The following MACROD2 variants were observed in gnomAD, a reference collection of about 807,000 sequenced individuals.
MACROD2 encodes ADP-ribose glycohydrolase MACROD2.
Under a neutral mutation model 70.4 loss-of-function variants are expected in MACROD2, and 36 were observed. That is an observed-to-expected ratio of 0.51 (90% CI 0.39 to 0.68). The LOEUF is 0.68. Ranked by LOEUF, MACROD2 falls within the 30% of genes least tolerant of loss-of-function variation. The pLI, the probability that MACROD2 is intolerant of heterozygous loss-of-function variation, is 0.00. For synonymous variants in MACROD2, 172 were observed against 178.8 expected (o/e 0.96, Z 0.30); for missense variants, 496 against 538.4 (o/e 0.92, Z 0.78).
intron 4 of MACROD2, among the ~76,000 whole-genome samples, chr20:14,561,086 G>C (rs1266658424): frequency 6.6e-6 from 1 of 151,750 alleles, no homozygotes; most frequent in Non-Finnish European, 1.5e-5. Context: ...TTGACACCTA[G>C]ACTCTGGGAG....
At chr20:15,491,277 T>C (rs111846189) in intron 7 of MACROD2, among the ~76,000 whole-genome samples, 4 of 152,128 alleles carry the variant, frequency 2.6e-5, no homozygotes, top group Non-Finnish European at 5.9e-5. Context: ...CCTCCCCAAT[T>C]AATTAGCTAT....
intron 12 of MACROD2, among the ~76,000 whole-genome samples, chr20:15,960,588 G>C (rs6080053): frequency 0.018 from 2,715 of 152,286 alleles, 47 homozygotes; most frequent in Non-Finnish European, 0.026. Context: ...ACAGGGAAGG[G>C]AGGACAGCCC....
intron 8 of MACROD2, among the ~76,000 whole-genome samples, chr20:15,797,368 G>A (rs1334807313): frequency 1.3e-5 from 2 of 152,122 alleles, no homozygotes; most frequent in Non-Finnish European, 2.9e-5. Context: ...GCCCGCCCCA[G>A]CCTCCCAAAG....
chr20:15,650,375 T>G (rs1280864883), intron 8 of MACROD2, among the ~76,000 whole-genome samples: 1 of 152,220 alleles, frequency 6.6e-6, no homozygotes, highest in Admixed American at 6.5e-5. Context: ...ATTATGCTGC[T>G]TTCCAGCAAC....
chr20:15,277,261 C>T (rs1474086395), intron 6 of MACROD2, among the ~76,000 whole-genome samples: 1 of 152,156 alleles, frequency 6.6e-6, no homozygotes, highest in Non-Finnish European at 1.5e-5. Context: ...AGCAAGAAAT[C>T]CTTTCCCCAA....
intron 8 of MACROD2, among the ~76,000 whole-genome samples, chr20:15,678,994 TG>T (rs1345847903): frequency 6.6e-6 from 1 of 152,096 alleles, no homozygotes; most frequent in Non-Finnish European, 1.5e-5. Context: ...CCCAGCACTT[TG>T]GGAGGCTGAG....
At chr20:15,367,032 T>A (rs1361428519) in intron 6 of MACROD2, among the ~76,000 whole-genome samples, 2 of 147,340 alleles carry the variant, frequency 1.4e-5, no homozygotes, top group East Asian at 3.9e-4. Flanking sequence ...AATTACTGAT[T>A]TTTTTTTTTT....
rs756386549 is a variant in MACROD2 at position 15,862,801 on chromosome 20, G to T, written c.702G>T (p.Lys234Asn). Residue 234 changes from lysine (K) to asparagine (N), a missense_variant, in exon 9 of 18, where the codon AAG (lysine) becomes AAT (asparagine). Lys to Asn is a moderately conservative substitution (Grantham distance 94). Transcript: ENST00000684519. ...AAGTTGACTTCAAAATCTACAAAAA[G>T]AAAATGAATGAGTTTTTCTCCGTAG... is the stretch of plus-strand genomic sequence containing the variant. ...FLEVDFKIYK[K>N]KMNEFFSVDD... 3.1e-6 allele frequency: 5 copies of T among 1,612,334 alleles called. No homozygotes were observed. The highest frequency in any genetic ancestry group is 3.4e-6 in the Non-Finnish European group (4 of 1,179,154).
intron 7 of MACROD2, among the ~76,000 whole-genome samples, chr20:15,449,510 G>A (rs369592283): frequency 8.5e-5 from 13 of 152,294 alleles, no homozygotes; most frequent in African/African-American, 3.1e-4. Flanking sequence ...TCCCTCTTAA[G>A]AGGCAGCCAC....
chr20:15,491,318 C>G (rs1306942073), intron 7 of MACROD2, among the ~76,000 whole-genome samples: 2 of 152,102 alleles, frequency 1.3e-5, no homozygotes, highest in Non-Finnish European at 2.9e-5. Flanking sequence ...TGTGCATGTG[C>G]TAGAGGTTAC....
chr20:14,875,213 T>G (rs894018355), intron 5 of MACROD2, among the ~76,000 whole-genome samples: 13 of 151,796 alleles, frequency 8.6e-5, no homozygotes, highest in Admixed American at 2.6e-4. Context: ...AAACCCCATC[T>G]CTACTAAAAA....
intron 8 of MACROD2, among the ~76,000 whole-genome samples, chr20:15,785,974 G>A (rs999365101): frequency 1.3e-5 from 2 of 151,924 alleles, no homozygotes; most frequent in East Asian, 3.8e-4. Flanking sequence ...CTTCATATCC[G>A]CAGAGTTCTG....
chr20:15,805,587 C>T (rs1409522258), intron 8 of MACROD2, among the ~76,000 whole-genome samples: 1 of 152,064 alleles, frequency 6.6e-6, no homozygotes, highest in East Asian at 1.9e-4. Flanking sequence ...AGTGATTCTC[C>T]TGCCTCAGCC....
At chr20:14,385,011 A>G (rs2083456157) in intron 3 of MACROD2, among the ~76,000 whole-genome samples, 1 of 152,148 alleles carries the variant, frequency 6.6e-6, no homozygotes, top group African/African-American at 2.4e-5. Context: ...CTCTGTTCAA[A>G]GGTGCCAAAA....
chr20:15,405,817 C>T (rs2045992757), intron 6 of MACROD2, among the ~76,000 whole-genome samples: 1 of 152,158 alleles, frequency 6.6e-6, no homozygotes, highest in East Asian at 1.9e-4. Flanking sequence ...ACCAGTTTCC[C>T]ACAGCTGTAA....
At chr20:15,853,803 C>T (rs1252041412) in intron 8 of MACROD2, among the ~76,000 whole-genome samples, 1 of 152,166 alleles carries the variant, frequency 6.6e-6, no homozygotes, top group Non-Finnish European at 1.5e-5. Context: ...CCCAGTCATG[C>T]AATGTCAGAC....
chr20:15,588,777 T>G (rs2048638205), intron 8 of MACROD2, among the ~76,000 whole-genome samples: 1 of 152,188 alleles, frequency 6.6e-6, no homozygotes, highest in Non-Finnish European at 1.5e-5. Context: ...CCTCAGCCTT[T>G]ATCTTATTGT....
chr20:14,426,614 G>T (rs1321735966), intron 3 of MACROD2, among the ~76,000 whole-genome samples: 1 of 152,102 alleles, frequency 6.6e-6, no homozygotes, highest in Non-Finnish European at 1.5e-5. Flanking sequence ...ATATAGTTTT[G>T]CAGTATGATG....
chr20:14,479,479 G>A (rs1488126197), intron 3 of MACROD2, among the ~76,000 whole-genome samples: 1 of 152,182 alleles, frequency 6.6e-6, no homozygotes, highest in African/African-American at 2.4e-5. Context: ...TTGGATGTCA[G>A]GGAATGCTGG....
Sources: allele counts gnomAD v4.1 joint callset (sites outside exome capture counted in the v4.1 genomes callset), GRCh38; gene constraint gnomAD v4.1.1; transcripts MANE v1.5; gene names NCBI Gene and HGNC (gene_info 2026-07-23, HGNC 2026-07-21).